GSE1: variants seen among roughly 807,000 people sequenced by gnomAD.
The protein encoded by GSE1 is Gse1 coiled-coil protein.
A neutral mutation model predicts 112.6 loss-of-function variants in GSE1; 32 were observed. That is an observed-to-expected ratio of 0.28 (90% CI 0.21 to 0.38). The LOEUF is 0.38. Ranked by LOEUF, GSE1 falls within the 10% of genes least tolerant of loss-of-function variation. The pLI is 1.00. For missense variants in GSE1, 2,348 were observed against 1,699.2 expected, an observed-to-expected ratio of 1.38 and a Z score of -6.71; for synonymous variants, 1,115 against 735.6, an observed-to-expected ratio of 1.52 and a Z score of -8.35.
chr16:85,282,636 G>C (rs1331566058), intron 1 of GSE1, among the ~76,000 whole-genome samples: 2 of 152,178 alleles, frequency 1.3e-5, no homozygotes, highest in Non-Finnish European at 2.9e-5. Context: ...AAAAGCTGGG[G>C]ACACTCAGAG....
chr16:85,344,343 C>T (rs1192926528), intron 1 of GSE1, among the ~76,000 whole-genome samples: 1 of 152,140 alleles, frequency 6.6e-6, no homozygotes, highest in Admixed American at 6.5e-5. Flanking sequence ...GCAGCCCGCG[C>T]GTTGCTTTTG....
chr16:85,665,967 C>T lies in GSE1; in HGVS notation c.2759-9C>T. The T allele has an allele frequency of 6.2e-7, 1 of 1,612,574 alleles. No homozygotes were observed. The highest frequency in any genetic ancestry group is 8.5e-7 in the Non-Finnish European group (1 of 1,179,490). On this transcript the variant is annotated splice_polypyrimidine_tract_variant and intron_variant, in intron 12 of 15. Transcript: ENST00000253458. ...TTCTTAATATTTTCCTTCACTTTGT[C>T]TCTAAAAGAACCAGCCACGCAGCAA...
chr16:85,343,492 T>C (rs1373200137), intron 1 of GSE1, among the ~76,000 whole-genome samples: 1 of 152,180 alleles, frequency 6.6e-6, no homozygotes, highest in Non-Finnish European at 1.5e-5. Context: ...CTCACACCTG[T>C]AATCCTAGAA....
At chr16:85,393,984 C>T (rs1188809358) in intron 2 of GSE1, among the ~76,000 whole-genome samples, 1 of 151,864 alleles carries the variant, frequency 6.6e-6, no homozygotes, top group African/African-American at 2.4e-5. Flanking sequence ...CGGTGGAGCG[C>T]GCCCCTCTTC....
rs928517881 is a variant in GSE1 at position 85,425,515 on chromosome 16, G to T, written c.2464+67872G>T. Reference sequence around the variant, plus strand: ...ACCCATCTTGTGGTGGCAAAAAGGGGCTGGTCTCCTCCTAGCGGGATTTGG... The same window carrying T: ...ACCCATCTTGTGGTGGCAAAAAGGGTCTGGTCTCCTCCTAGCGGGATTTGG... On this transcript the variant is annotated intron_variant, in intron 2 of 2. Coordinates refer to the GSE1 transcript ENST00000637419. Among the ~76,000 whole-genome samples the T allele has an allele frequency of 4.7e-4, 72 of 152,160 alleles. 1 individual carries two copies.
intron 2 of GSE1, among the ~76,000 whole-genome samples, chr16:85,518,858 T>G (rs79260674): frequency 0.013 from 2,037 of 152,214 alleles, 39 homozygotes; most frequent in African/African-American, 0.046. Flanking sequence ...AGCCCTGTCT[T>G]GCCACCCAGC....
chr16:85,558,091 G>T (rs1211607144), intron 1 of GSE1, among the ~76,000 whole-genome samples: 1 of 152,178 alleles, frequency 6.6e-6, no homozygotes, highest in Non-Finnish European at 1.5e-5. Context: ...TAAAATAAAG[G>T]TTGTAAGGGG....
chr16:85,322,867 T>G (rs1256031893), intron 1 of GSE1, among the ~76,000 whole-genome samples: 1 of 152,130 alleles, frequency 6.6e-6, no homozygotes, highest in East Asian at 1.9e-4. Context: ...CTACCCGCCT[T>G]GGCCTCCCAA....
chr16:85,242,281 T>C (rs1003181849), intron 1 of GSE1, among the ~76,000 whole-genome samples: 1 of 152,014 alleles, frequency 6.6e-6, no homozygotes, highest in African/African-American at 2.4e-5. Flanking sequence ...CCCTCCTGCT[T>C]CCCCTCTGCC....
chr16:85,633,379 CGTG>C (rs967387728), intron 1 of GSE1, among the ~76,000 whole-genome samples: 1 of 152,158 alleles, frequency 6.6e-6, no homozygotes, highest in African/African-American at 2.4e-5. Flanking sequence ...TTTTCTGTAA[CGTG>C]GGGCAGAACT....
In GSE1 at chr16:85,641,936, G is replaced by A. The variant is rs75073710; in HGVS notation, c.227-6616G>A. Among the ~76,000 whole-genome samples, 243 of 152,390 alleles carry A rather than the reference G, an allele frequency of 1.6e-3. 1 individual carries two copies. The highest frequency in any genetic ancestry group is 5.7e-3 in the African/African-American group (236 of 41,606). On this transcript the variant is annotated intron_variant, in intron 2 of 15. Transcript: ENST00000253458. ...AGTCCGCCCAGGGCTGGGTTCCCAGGTTTTGGGTGGAAACAGGTCGGTAGG... is the reference window on the plus strand; with the variant it reads ...AGTCCGCCCAGGGCTGGGTTCCCAGATTTTGGGTGGAAACAGGTCGGTAGG...
chr16:85,327,329 G>T (rs1370782326), intron 1 of GSE1, among the ~76,000 whole-genome samples: 2 of 152,232 alleles, frequency 1.3e-5, no homozygotes, highest in African/African-American at 4.8e-5. Flanking sequence ...AAGGCCGGAT[G>T]CGGTGGCTCA....
intron 1 of GSE1, among the ~76,000 whole-genome samples, chr16:85,302,100 A>G (rs998201045): frequency 2.0e-5 from 3 of 152,178 alleles, no homozygotes; most frequent in African/African-American, 7.2e-5. Flanking sequence ...CCCAGATCTC[A>G]AAATCATCCA....
At chr16:85,308,931 T>C (rs891855552) in intron 1 of GSE1, among the ~76,000 whole-genome samples, 13 of 149,022 alleles carry the variant, frequency 8.7e-5, no homozygotes, top group African/African-American at 2.5e-4. Context: ...ACTTGGGGCT[T>C]TTCAGAAGCG....
chr16:85,262,968 C>T (rs1907860332), intron 1 of GSE1, among the ~76,000 whole-genome samples: 1 of 152,194 alleles, frequency 6.6e-6, no homozygotes, highest in African/African-American at 2.4e-5. Flanking sequence ...GATCCCTGCC[C>T]TTAGGGAGCT....
At chr16:85,415,756 G>T (rs1226467441) in intron 2 of GSE1, among the ~76,000 whole-genome samples, 1 of 152,274 alleles carries the variant, frequency 6.6e-6, no homozygotes, top group Middle Eastern at 3.2e-3. Flanking sequence ...TGTCCTGGAG[G>T]TGCTGGCTGC....
chr16:85,303,236 C>T (rs1004851076), intron 1 of GSE1, among the ~76,000 whole-genome samples: 3 of 152,260 alleles, frequency 2.0e-5, no homozygotes, highest in Non-Finnish European at 4.4e-5. Flanking sequence ...ACCCACTGCC[C>T]TGCTTGCCGC....
chr16:85,182,516 C>G (rs1597736092), intron 1 of GSE1, among the ~76,000 whole-genome samples: 2 of 152,326 alleles, frequency 1.3e-5, no homozygotes, highest in Middle Eastern at 6.8e-3. Context: ...GCGTTTTCTT[C>G]CTGATTCGTA....
At chr16:85,564,865 C>T (rs1012398457) in intron 1 of GSE1, among the ~76,000 whole-genome samples, 1 of 152,202 alleles carries the variant, frequency 6.6e-6, no homozygotes, top group Non-Finnish European at 1.5e-5. Context: ...CAGTCCTTGT[C>T]CTCAGACAGC....
Sources: allele counts gnomAD v4.1 joint callset (sites outside exome capture counted in the v4.1 genomes callset), GRCh38; gene constraint gnomAD v4.1.1; transcripts MANE v1.5; gene names NCBI Gene and HGNC (gene_info 2026-07-23, HGNC 2026-07-21).